Variants in SLC8A1 observed in about 807,000 individuals in gnomAD.
The protein encoded by SLC8A1 is solute carrier family 8 member A1, also known as sodium/calcium exchanger 1.
A neutral mutation model predicts 68.3 loss-of-function variants in SLC8A1; 18 were observed. The ratio of observed to expected loss-of-function variants is 0.26; its 90% confidence interval spans 0.18 to 0.39. The LOEUF (loss-of-function observed/expected upper bound fraction) is 0.39, where lower values mean the gene tolerates loss of function less well. Ranked by LOEUF, SLC8A1 falls within the 10% of genes least tolerant of loss-of-function variation. The pLI, the probability that SLC8A1 is intolerant of heterozygous loss-of-function variation, is 1.00. For synonymous variants in SLC8A1, 475 were observed against 415.5 expected, an observed-to-expected ratio of 1.14 and a Z score of -1.74; for missense variants, 985 against 1,156.7, an observed-to-expected ratio of 0.85 and a Z score of 2.15.
At chr2:40,211,558 T>A (rs1405479998) in intron 2 of SLC8A1, among the ~76,000 whole-genome samples, 1 of 152,058 alleles carries the variant, frequency 6.6e-6, no homozygotes, top group Admixed American at 6.6e-5. Context: ...GTTTAGGTGG[T>A]GGGAAGAGAA....
Position 40,495,135 on chromosome 2 carries a change from A to T in SLC8A1, c.-25+17214T>A, listed in dbSNP as rs72953174. Among the ~76,000 whole-genome samples, 1,208 of 152,164 alleles carry T rather than the reference A, an allele frequency of 7.9e-3. 21 individuals are homozygous for T. Among genetic ancestry groups the T allele is most frequent in the African/African-American group, 0.028 (1,150 of 41,518 alleles). On this transcript the variant is annotated intron_variant, in intron 1 of 7. Transcript: ENST00000402441. Reference sequence around the variant, plus strand: ...CCTACAGGTAAATAAAAGTTAAAAGATGTCTCAGTTGATGCATGATTTCTT... The same window carrying T: ...CCTACAGGTAAATAAAAGTTAAAAGTTGTCTCAGTTGATGCATGATTTCTT...
intron 2 of SLC8A1, among the ~76,000 whole-genome samples, chr2:40,293,636 G>T (rs2069748118): frequency 6.6e-6 from 1 of 152,214 alleles, no homozygotes; most frequent in East Asian, 1.9e-4. Context: ...TCACTCTATT[G>T]ATGCTAAGTG....
intron 2 of SLC8A1, among the ~76,000 whole-genome samples, chr2:40,293,953 G>C (rs1376227162): frequency 2.0e-5 from 3 of 152,128 alleles, no homozygotes; most frequent in East Asian, 1.9e-4. Flanking sequence ...GTATATGGCA[G>C]CTTTAGTGAG....
Position 40,500,795 on chromosome 2 carries a change from CTTTTTTTTTTTTT to C in SLC8A1, c.-25+11541_-25+11553del, listed in dbSNP as rs1191619172. On this transcript the variant is annotated intron_variant, in intron 1 of 7. Transcript: ENST00000402441. ...TATAAGGTAAGGTATTATCATCTGA[CTTTTTTTTTTTTT>C]TTTTTTTTTTTTTTTTGGCTTTTGC... 2.4e-4 allele frequency among the ~76,000 whole-genome samples: 9 copies of C among 37,266 alleles called. No individual in the cohort carries two copies. In the East Asian group the frequency reaches 5.1e-3, roughly 21 times the overall value. 24.4% of individuals were successfully genotyped at this position (37,266 alleles called of 152,430 possible). A position where few individuals can be genotyped will look rare whatever the true frequency, so the allele number is the denominator to read the frequency against.
chr2:40,301,867 C>T (rs2071522497), intron 2 of SLC8A1, among the ~76,000 whole-genome samples: 1 of 151,860 alleles, frequency 6.6e-6, no homozygotes, highest in Admixed American at 6.6e-5. Context: ...TATACTGAAC[C>T]CCAATTTTTT....
chr2:40,181,980 G>A (rs751306955), intron 2 of SLC8A1, among the ~76,000 whole-genome samples: 3 of 152,174 alleles, frequency 2.0e-5, no homozygotes, highest in Admixed American at 6.5e-5. Context: ...CAGTTCTGCA[G>A]TAGAAAGAAT....
chr2:40,445,021 C>T (rs1412505067), intron 1 of SLC8A1, among the ~76,000 whole-genome samples: 1 of 152,244 alleles, frequency 6.6e-6, no homozygotes, highest in Non-Finnish European at 1.5e-5. Context: ...ACAAGGCTCT[C>T]TCTCACCATT....
At chr2:40,277,806 A>ATATATATATATTTG (rs1559066585) in intron 2 of SLC8A1, among the ~76,000 whole-genome samples, 1 of 98,648 alleles carries the variant, frequency 1.0e-5, no homozygotes, top group African/African-American at 3.3e-5. Context: ...ATATATATAT[A>ATATATATATATTTG]TATATATATA....
chr2:40,492,240 G>A (rs1431072162), intron 1 of SLC8A1, among the ~76,000 whole-genome samples: 1 of 152,144 alleles, frequency 6.6e-6, no homozygotes, highest in Non-Finnish European at 1.5e-5. Flanking sequence ...ACAAGCAATG[G>A]GGAAAGGATT....
intron 2 of SLC8A1, among the ~76,000 whole-genome samples, chr2:40,296,840 T>C (rs1486441971): frequency 6.6e-6 from 1 of 152,194 alleles, no homozygotes; most frequent in Non-Finnish European, 1.5e-5. Flanking sequence ...CCAATTAACC[T>C]ATATTTTCAC....
At chr2:40,259,042 G>C (rs1488094405) in intron 2 of SLC8A1, among the ~76,000 whole-genome samples, 1 of 152,164 alleles carries the variant, frequency 6.6e-6, no homozygotes, top group Non-Finnish European at 1.5e-5. Flanking sequence ...GAGATGCTGA[G>C]CCAGTGAGAC....
intron 2 of SLC8A1, among the ~76,000 whole-genome samples, chr2:40,244,823 T>C (rs1404824371): frequency 6.6e-6 from 1 of 152,142 alleles, no homozygotes. Flanking sequence ...TAGAGGCTTC[T>C]TCCTCCCGAG....
At chr2:40,321,729 T>C (rs779037538) in intron 2 of SLC8A1, among the ~76,000 whole-genome samples, 1 of 151,866 alleles carries the variant, frequency 6.6e-6, no homozygotes, top group African/African-American at 2.4e-5. Context: ...AGCATGGAGG[T>C]AGCCACCCCC....
chr2:40,406,424 T>G (rs919044035), intron 2 of SLC8A1, among the ~76,000 whole-genome samples: 1 of 152,196 alleles, frequency 6.6e-6, no homozygotes, highest in Non-Finnish European at 1.5e-5. Context: ...ACTTATTTAT[T>G]GTATAATGGA....
At chr2:40,296,870 T>C (rs573766417) in intron 2 of SLC8A1, among the ~76,000 whole-genome samples, 1 of 152,282 alleles carries the variant, frequency 6.6e-6, no homozygotes, top group African/African-American at 2.4e-5. Context: ...TGACAAAGCA[T>C]TGGATGCACC....
intron 2 of SLC8A1, among the ~76,000 whole-genome samples, chr2:40,320,970 A>G (rs2075112625): frequency 6.6e-6 from 1 of 152,062 alleles, no homozygotes; most frequent in African/African-American, 2.4e-5. Context: ...CACTCTAACC[A>G]TGCAGGCGGG....
intron 2 of SLC8A1, among the ~76,000 whole-genome samples, chr2:40,327,244 T>C (rs1299965335): frequency 2.6e-5 from 4 of 152,220 alleles, no homozygotes; most frequent in Non-Finnish European, 5.9e-5. Flanking sequence ...TTTTTAAAAG[T>C]TGCATGATTC....
intron 2 of SLC8A1, among the ~76,000 whole-genome samples, chr2:40,382,711 C>T (rs1359948251): frequency 6.6e-6 from 1 of 151,960 alleles, no homozygotes; most frequent in Non-Finnish European, 1.5e-5. Flanking sequence ...AATAAGAAAA[C>T]ACAAATTTAC....
intron 2 of SLC8A1, among the ~76,000 whole-genome samples, chr2:40,368,172 C>G (rs80071069): frequency 1.3e-5 from 2 of 152,020 alleles, no homozygotes; most frequent in African/African-American, 4.8e-5. Flanking sequence ...AACACTTTTT[C>G]TAAGGACCAC....
Sources: gnomAD v4.1 joint callset for allele counts (sites outside exome capture counted in the v4.1 genomes callset) on GRCh38, gnomAD v4.1.1 for gene constraint, MANE v1.5 for transcripts, NCBI Gene and HGNC (gene_info 2026-07-23, HGNC 2026-07-21) for gene names.